NMBR: variants seen among roughly 807,000 people sequenced by gnomAD.
NMBR encodes the protein neuromedin-B receptor.
NMBR carries 16 observed loss-of-function variants against 20.5 expected under a neutral mutation model. The observed-to-expected ratio is 0.78, with a 90% CI of 0.53 to 1.19. NMBR has a LOEUF of 1.19. NMBR is among the 50% of genes most tolerant of loss of function. The pLI, the probability that NMBR is intolerant of heterozygous loss-of-function variation, is 0.00. For synonymous variants in NMBR, 212 were observed against 196.6 expected (o/e 1.08, Z -0.65); for missense variants, 582 against 499.1 (o/e 1.17, Z -1.58).
chr6:142,079,150 G>GAAAGAAAGAAAGAAAGAAAA (rs1562390303), intron 2 of NMBR, among the ~76,000 whole-genome samples: 2 of 77,040 alleles, frequency 2.6e-5, no homozygotes, highest in East Asian at 6.2e-4. Flanking sequence ...AGAAAAAGAA[G>GAAAGAAAGAAAGAAAGAAAA]AGAGGAGAGG....
intron 1 of NMBR, among the ~76,000 whole-genome samples, chr6:142,118,677 C>A (rs2745472): frequency 0.36 from 53,940 of 151,860 alleles, 10,789 homozygotes; most frequent in Middle Eastern, 0.52. Context: ...CATTTACAGA[C>A]TTGTTAAGAC....
intron 3 of NMBR, among the ~76,000 whole-genome samples, chr6:142,077,755 A>C (rs1776978266): frequency 6.6e-6 from 1 of 152,222 alleles, no homozygotes; most frequent in Non-Finnish European, 1.5e-5. Context: ...TTTAATTTGG[A>C]AACAAGCATC....
At chr6:142,130,100 G>A (rs1778113479) in intron 1 of NMBR, among the ~76,000 whole-genome samples, 3 of 152,046 alleles carry the variant, frequency 2.0e-5, no homozygotes, top group African/African-American at 7.3e-5. Context: ...TGTAAATAAG[G>A]GCCAGGCTCT....
chr6:142,110,058 A>G (rs1052266335), intron 1 of NMBR, among the ~76,000 whole-genome samples: 2 of 152,176 alleles, frequency 1.3e-5, no homozygotes, highest in African/African-American at 4.8e-5. Context: ...ACGACCAAAT[A>G]GATGGACACA....
intron 1 of NMBR, among the ~76,000 whole-genome samples, chr6:142,097,765 G>A (rs1477529444): frequency 1.3e-5 from 2 of 152,034 alleles, no homozygotes; most frequent in Non-Finnish European, 2.9e-5. Context: ...TGGCACAGAT[G>A]ATAGATGTAT....
chr6:142,098,841 G>A (rs1402950981), intron 1 of NMBR, among the ~76,000 whole-genome samples: 3 of 152,122 alleles, frequency 2.0e-5, no homozygotes, highest in African/African-American at 7.2e-5. Context: ...ACAAGATTCA[G>A]AATAGTCAAC....
chr6:142,103,225 T>G (rs1185285531), intron 1 of NMBR, among the ~76,000 whole-genome samples: 18 of 152,292 alleles, frequency 1.2e-4, no homozygotes. Context: ...CCCCAGTCAG[T>G]AGACCATGAA....
intron 1 of NMBR, among the ~76,000 whole-genome samples, chr6:142,098,012 G>A (rs1394410248): frequency 2.0e-5 from 3 of 151,942 alleles, no homozygotes; most frequent in Non-Finnish European, 1.5e-5. Flanking sequence ...CAGAGAAAAT[G>A]ACTGGGGAAA....
At chr6:142,076,144 C>T in intron 3 of NMBR, 95 bp from the exon 4 acceptor site, 2 of 879,206 alleles carry the variant, frequency 2.3e-6, no homozygotes, top group East Asian at 5.2e-5. Context: ...AAATTTACAG[C>T]ATGATAATAC....
chr6:142,094,934 C>G (rs1054545626), intron 1 of NMBR, among the ~76,000 whole-genome samples: 7 of 152,144 alleles, frequency 4.6e-5, no homozygotes, highest in African/African-American at 1.7e-4. Context: ...GGAATTCACT[C>G]ATGATTTGGT....
chr6:142,095,118 T>A (rs974987433), intron 1 of NMBR, among the ~76,000 whole-genome samples: 8 of 152,234 alleles, frequency 5.3e-5, no homozygotes, highest in Non-Finnish European at 1.2e-4. Context: ...TTTGACTTCC[T>A]CTTTTCCTAA....
Position 142,079,026 on chromosome 6 carries a change from GAGAA to G in NMBR, c.423-127_423-124del, listed in dbSNP as rs926565247. The stretch of plus-strand genomic sequence containing the variant: ...AGAGAAAGGAAGAAAGGGAGAGAGA[GAGAA>G]AGAAAGAAAGAGAGAAAGAAAGAGA... On this transcript the variant is annotated intron_variant, in intron 2 of 3. Coordinates refer to ENST00000258042, the MANE Select transcript of NMBR (RefSeq NM_002511.4). 287 of 525,782 alleles carry G rather than the reference GAGAA, an allele frequency of 5.5e-4. 2 individuals carry two copies. The highest frequency in any genetic ancestry group is 7.9e-4 in the African/African-American group (41 of 51,748). 32.6% of individuals were successfully genotyped at this position (525,782 alleles called of 1,614,324 possible). A position where few individuals can be genotyped will look rare whatever the true frequency, so the allele number is the denominator to read the frequency against.
At chr6:142,124,267 T>C (rs1362390211) in intron 1 of NMBR, among the ~76,000 whole-genome samples, 3 of 151,934 alleles carry the variant, frequency 2.0e-5, no homozygotes, top group East Asian at 1.9e-4. Context: ...TATGTACCAA[T>C]TCATGTTTGT....
intron 1 of NMBR, among the ~76,000 whole-genome samples, chr6:142,105,923 T>C (rs1394086468): frequency 1.3e-5 from 2 of 152,224 alleles, no homozygotes; most frequent in East Asian, 3.8e-4. Context: ...CTTAAGTTCA[T>C]GTTTAATAAT....
At chr6:142,138,739 G>T (rs563775714) in intron 1 of NMBR, among the ~76,000 whole-genome samples, 71 of 152,188 alleles carry the variant, frequency 4.7e-4, no homozygotes, top group Middle Eastern at 3.4e-3. Context: ...TTCATTATGG[G>T]TCCTATTTTT....
At chr6:142,133,418 C>T (rs889058737) in intron 1 of NMBR, among the ~76,000 whole-genome samples, 4 of 151,994 alleles carry the variant, frequency 2.6e-5, no homozygotes, top group East Asian at 1.9e-4. Context: ...CTCTCAATTC[C>T]CTAATTAAGA....
rs567467008 is a variant in NMBR, at chr6:142,143,797, AACAG to A, written c.-664+3243_-664+3246del. On this transcript the variant is annotated intron_variant, in intron 1 of 3. Transcript: ENST00000258042. ...TTGCAAAAGCAAAGGAAAAAAAAAA[AACAG>A]ACAGAGGACTTACACTACATACTCT... is the stretch of plus-strand genomic sequence containing the variant. Among the ~76,000 whole-genome samples the A allele has an allele frequency of 2.3e-4, 35 of 152,032 alleles. 1 individual carries two copies. Among genetic ancestry groups the A allele is most frequent in the African/African-American group, 7.0e-4 (29 of 41,520 alleles).
chr6:142,117,398 A>C (rs1777874005), intron 1 of NMBR, among the ~76,000 whole-genome samples: 1 of 151,958 alleles, frequency 6.6e-6, no homozygotes, highest in Non-Finnish European at 1.5e-5. Context: ...CTCAATACTT[A>C]ATAAGTAGAA....
At chr6:142,099,543 C>A (rs1777521309) in intron 1 of NMBR, among the ~76,000 whole-genome samples, 1 of 151,926 alleles carries the variant, frequency 6.6e-6, no homozygotes, top group Non-Finnish European at 1.5e-5. Flanking sequence ...TTGATTCAAT[C>A]ATCTCCCACC....
Sources: allele counts gnomAD v4.1 joint callset (sites outside exome capture counted in the v4.1 genomes callset), GRCh38; gene constraint gnomAD v4.1.1; transcripts MANE v1.5; gene names NCBI Gene and HGNC (gene_info 2026-07-23, HGNC 2026-07-21).